The following CACNB2 variants were observed in gnomAD, a reference collection of about 807,000 sequenced individuals.
CACNB2 encodes voltage-dependent L-type calcium channel subunit beta-2.
Under a neutral mutation model 73.3 loss-of-function variants are expected in CACNB2, and 42 were observed. The ratio of observed to expected loss-of-function variants is 0.57; its 90% CI spans 0.45 to 0.74. The LOEUF is 0.74. Ranked by LOEUF, CACNB2 falls within the 30% of genes least tolerant of loss-of-function variation. The pLI, the probability that CACNB2 is intolerant of heterozygous loss-of-function variation, is 0.00. For synonymous variants in CACNB2, 348 were observed against 310.3 expected (o/e 1.12, Z -1.28); for missense variants, 940 against 853.0 (o/e 1.10, Z -1.27).
At chr10:18,472,495 C>T (rs2048244916) in intron 3 of CACNB2, among the ~76,000 whole-genome samples, 1 of 152,146 alleles carries the variant, frequency 6.6e-6, no homozygotes, top group East Asian at 1.9e-4. Context: ...CCTTGGCCTC[C>T]CAAAGTGCTG....
chr10:18,466,735 A>G (rs1998822), intron 3 of CACNB2, among the ~76,000 whole-genome samples: 65,976 of 152,038 alleles, frequency 0.43, 17,561 homozygotes, highest in African/African-American at 0.73. Context: ...AGCTCCTGGT[A>G]GGGAGACAAG....
intron 2 of CACNB2, among the ~76,000 whole-genome samples, chr10:18,353,892 T>C (rs1383845811): frequency 6.6e-6 from 1 of 152,244 alleles, no homozygotes; most frequent in Non-Finnish European, 1.5e-5. Flanking sequence ...AGCAAAGTTT[T>C]CTTTCTAGTA....
At chr10:18,203,278 G>A (rs2034959436) in intron 2 of CACNB2, among the ~76,000 whole-genome samples, 1 of 152,172 alleles carries the variant, frequency 6.6e-6, no homozygotes, top group Admixed American at 6.5e-5. Context: ...CAGCCAAGCT[G>A]TGGTTGCAGC....
intron 9 of CACNB2, among the ~76,000 whole-genome samples, chr10:18,522,631 GC>G (rs1274610422): frequency 6.6e-6 from 1 of 152,102 alleles, no homozygotes; most frequent in Non-Finnish European, 1.5e-5. Context: ...TGTAATCCCA[GC>G]ACTTTGGGAG....
At chr10:18,167,655 A>G (rs1212779006) in intron 2 of CACNB2, among the ~76,000 whole-genome samples, 1 of 152,136 alleles carries the variant, frequency 6.6e-6, no homozygotes, top group African/African-American at 2.4e-5. Flanking sequence ...GATCGGGGGA[A>G]GTTTTATCAA....
At chr10:18,438,974 G>A (rs1430585463) in intron 3 of CACNB2, among the ~76,000 whole-genome samples, 2 of 152,240 alleles carry the variant, frequency 1.3e-5, no homozygotes, top group African/African-American at 2.4e-5. Context: ...AGGCCAGCAC[G>A]TGAATTGGTG....
At chr10:18,495,906 C>T (rs1346364077) in intron 3 of CACNB2, among the ~76,000 whole-genome samples, 2 of 151,728 alleles carry the variant, frequency 1.3e-5, no homozygotes, top group South Asian at 4.1e-4. Flanking sequence ...CATTTATTTA[C>T]GTGTATTTTT....
intron 2 of CACNB2, among the ~76,000 whole-genome samples, chr10:18,210,467 G>T (rs1283490809): frequency 1.3e-5 from 2 of 152,256 alleles, no homozygotes; most frequent in African/African-American, 2.4e-5. Context: ...GCTGGTGGGG[G>T]TTGGGGTGTG....
At chr10:18,351,984 G>A (rs778600461) in intron 2 of CACNB2, among the ~76,000 whole-genome samples, 2 of 152,174 alleles carry the variant, frequency 1.3e-5, no homozygotes, top group African/African-American at 4.8e-5. Flanking sequence ...CTCTCAAGGC[G>A]TGTTCAGAGT....
At chr10:18,502,410 G>A (rs937771999) in intron 5 of CACNB2, among the ~76,000 whole-genome samples, 1 of 151,718 alleles carries the variant, frequency 6.6e-6, no homozygotes, top group Non-Finnish European at 1.5e-5. Flanking sequence ...AAATACGGGG[G>A]CCACGTGCGG....
intron 2 of CACNB2, among the ~76,000 whole-genome samples, chr10:18,281,979 C>CAAAAA (rs10542258): frequency 1.0e-4 from 7 of 69,950 alleles, no homozygotes; most frequent in Admixed American, 1.9e-4. Flanking sequence ...GACTCCATCT[C>CAAAAA]AAAAAAAAAA....
intron 2 of CACNB2, among the ~76,000 whole-genome samples, chr10:18,263,338 T>C (rs903948717): frequency 6.6e-6 from 1 of 152,202 alleles, no homozygotes; most frequent in South Asian, 2.1e-4. Context: ...CAGACCCCTA[T>C]GTGGTACTGG....
At chr10:18,340,638 A>G (rs1455027247) in intron 2 of CACNB2, 1 of 1,285,994 alleles carries the variant, frequency 7.8e-7, no homozygotes, top group Non-Finnish European at 1.0e-6. Context: ...AAGCCAGCTG[A>G]CGTAATTCAG....
intron 3 of CACNB2, among the ~76,000 whole-genome samples, chr10:18,444,888 T>C (rs1170796439): frequency 6.6e-6 from 1 of 152,188 alleles, no homozygotes; most frequent in East Asian, 1.9e-4. Context: ...AATGATATCA[T>C]GAGAAGCAAA....
chr10:18,423,614 C>T (rs2045443613), intron 3 of CACNB2, among the ~76,000 whole-genome samples: 1 of 152,100 alleles, frequency 6.6e-6, no homozygotes, highest in Non-Finnish European at 1.5e-5. Flanking sequence ...ATATGTATTC[C>T]ACAAGCAAAT....
chr10:18,478,669 C>T (rs559638391), intron 3 of CACNB2, among the ~76,000 whole-genome samples: 128 of 152,260 alleles, frequency 8.4e-4, no homozygotes, highest in African/African-American at 3.0e-3. Flanking sequence ...AGTTAAGAAG[C>T]TTATACAGCA....
chr10:18,231,875 G>A (rs2036237934), intron 2 of CACNB2, among the ~76,000 whole-genome samples: 1 of 152,162 alleles, frequency 6.6e-6, no homozygotes, highest in African/African-American at 2.4e-5. Context: ...CCCTTTGTAA[G>A]CAACAAGAAG....
At chr10:18,255,294 C>T (rs1010461594) in intron 2 of CACNB2, among the ~76,000 whole-genome samples, 1 of 152,148 alleles carries the variant, frequency 6.6e-6, no homozygotes, top group Non-Finnish European at 1.5e-5. Flanking sequence ...TCCCTTCTAC[C>T]ACGTAGAGCT....
At chr10:18,372,689 G>C (rs1002781083) in intron 2 of CACNB2, among the ~76,000 whole-genome samples, 9 of 152,168 alleles carry the variant, frequency 5.9e-5, no homozygotes, top group Non-Finnish European at 1.2e-4. Context: ...TTACAGATAT[G>C]AGCCACTGTG....
Sources: allele counts gnomAD v4.1 joint callset (sites outside exome capture counted in the v4.1 genomes callset), GRCh38; gene constraint gnomAD v4.1.1; transcripts MANE v1.5; gene names NCBI Gene and HGNC (gene_info 2026-07-23, HGNC 2026-07-21).